The following TSHZ3 variants were observed in gnomAD, a reference collection of about 807,000 sequenced individuals.
TSHZ3 encodes the protein teashirt zinc finger homeobox 3.
A neutral mutation model predicts 64.5 loss-of-function variants in TSHZ3; 10 were observed. The observed-to-expected ratio is 0.16, with a 90% CI of 0.10 to 0.26. The LOEUF (loss-of-function observed/expected upper bound fraction) is 0.26. TSHZ3 is among the 10% of genes least tolerant of loss of function. The pLI is 1.00. For missense variants in TSHZ3, 1,242 were observed against 1,421.7 expected, an observed-to-expected ratio of 0.87 and a Z score of 2.03; for synonymous variants, 608 against 593.1, an observed-to-expected ratio of 1.03 and a Z score of -0.36.
rs372917863 is a variant in TSHZ3 at position 31,311,603 on chromosome 19, G to A, written c.41-31851C>T. ...GAACTTGCCCCTCTGCCCAGCTCAC[G>A]GGCTCCATACTGATCAATGCTCAGG... On this transcript the variant is annotated intron_variant, in intron 1 of 1. Coordinates refer to ENST00000240587, the MANE Select transcript of TSHZ3 (RefSeq NM_020856.4). Among the ~76,000 whole-genome samples, 188 of 152,288 alleles carry A rather than the reference G, an allele frequency of 1.2e-3. 2 individuals carry two copies. In the South Asian group the frequency reaches 0.033, roughly 26 times the overall value.
intron 1 of TSHZ3, among the ~76,000 whole-genome samples, chr19:31,266,105 C>A (rs1976050628): frequency 6.6e-6 from 1 of 152,150 alleles, no homozygotes; most frequent in South Asian, 2.1e-4. Context: ...CTGGGATCCA[C>A]CACAAAGGCC....
intron 1 of TSHZ3, among the ~76,000 whole-genome samples, chr19:31,337,932 T>C (rs891775553): frequency 2.3e-4 from 35 of 152,260 alleles, no homozygotes; most frequent in Admixed American, 1.8e-3. Context: ...TCTTCCGTTC[T>C]AACTTTCTAT....
intron 5 of TSHZ3, among the ~76,000 whole-genome samples, chr19:31,204,029 G>A (rs996958606): frequency 4.6e-5 from 7 of 152,118 alleles, no homozygotes; most frequent in Admixed American, 1.3e-4. Flanking sequence ...CTGCAAGAGA[G>A]CGAAGTGCAA....
chr19:31,281,266 T>C (rs1255913745), intron 1 of TSHZ3, among the ~76,000 whole-genome samples: 1 of 151,874 alleles, frequency 6.6e-6, no homozygotes, highest in African/African-American at 2.4e-5. Context: ...AACAGTGAAA[T>C]GAGTCCCTTG....
chr19:31,304,500 C>CA, intron 1 of TSHZ3, among the ~76,000 whole-genome samples: 1 of 123,716 alleles, frequency 8.1e-6, no homozygotes, highest in African/African-American at 2.8e-5. Flanking sequence ...GGGACCATAA[C>CA]AACAACAACA....
At chr19:31,151,223 T>C (rs922175024) in exon 7 of TSHZ3, among the ~76,000 whole-genome samples, 1 of 152,172 alleles carries the variant, frequency 6.6e-6, no homozygotes, top group Non-Finnish European at 1.5e-5. Flanking sequence ...GCTGATTTGA[T>C]GAAAACCCCA....
chr19:31,150,063 C>T (rs559535144), exon 7 of TSHZ3, among the ~76,000 whole-genome samples: 25 of 152,312 alleles, frequency 1.6e-4, no homozygotes, highest in African/African-American at 5.5e-4. Context: ...TTGAATCATT[C>T]GCCGAGCACG....
intron 4 of TSHZ3, among the ~76,000 whole-genome samples, chr19:31,212,779 T>C (rs1287920041): frequency 3.3e-5 from 5 of 152,192 alleles, no homozygotes; most frequent in African/African-American, 1.2e-4. Flanking sequence ...TTAAAATTTA[T>C]GTCTCACAAA....
chr19:31,202,475 A>T (rs922879028), intron 5 of TSHZ3, among the ~76,000 whole-genome samples: 9 of 152,132 alleles, frequency 5.9e-5, no homozygotes, highest in Non-Finnish European at 1.2e-4. Flanking sequence ...ACCATTTTCT[A>T]TTTAAAAAGA....
chr19:31,194,494 T>C (rs1401907729), intron 5 of TSHZ3, among the ~76,000 whole-genome samples: 2 of 152,132 alleles, frequency 1.3e-5, no homozygotes, highest in Non-Finnish European at 2.9e-5. Flanking sequence ...TAAGTGGCAG[T>C]GGGGTGGGGA....
At chr19:31,348,925 C>T (rs963179386) in intron 1 of TSHZ3, 2 of 462,368 alleles carry the variant, frequency 4.3e-6, no homozygotes, top group Non-Finnish European at 7.6e-6. Context: ...GAGGTAGGGA[C>T]CTGGCGCGGC....
At chr19:31,181,862 G>A (rs977908201) in intron 5 of TSHZ3, among the ~76,000 whole-genome samples, 1 of 151,668 alleles carries the variant, frequency 6.6e-6, no homozygotes. Context: ...CTTTATTCTG[G>A]CTAATTAGCA....
intron 3 of TSHZ3, among the ~76,000 whole-genome samples, chr19:31,241,495 C>A (rs530242646): frequency 6.6e-6 from 1 of 152,196 alleles, no homozygotes; most frequent in African/African-American, 2.4e-5. Context: ...AGTCTCTCTG[C>A]TCTACTTTCA....
At chr19:31,151,860 T>C (rs1974244229) in intron 6 of TSHZ3, among the ~76,000 whole-genome samples, 1 of 152,216 alleles carries the variant, frequency 6.6e-6, no homozygotes, top group South Asian at 2.1e-4. Flanking sequence ...ATTTTTTCAT[T>C]ATTCTTTAGC....
At chr19:31,338,379 C>A (rs557398951) in intron 1 of TSHZ3, among the ~76,000 whole-genome samples, 67 of 152,272 alleles carry the variant, frequency 4.4e-4, no homozygotes, top group African/African-American at 1.6e-3. Context: ...GGGGACAGAG[C>A]TCAGACACAA....
intron 5 of TSHZ3, among the ~76,000 whole-genome samples, chr19:31,173,932 T>C (rs1479823365): frequency 6.6e-6 from 1 of 152,038 alleles, no homozygotes; most frequent in African/African-American, 2.4e-5. Context: ...GAGCTGGGCG[T>C]GGTGGTGTTC....
chr19:31,256,550 T>C (rs1307856655), intron 1 of TSHZ3, among the ~76,000 whole-genome samples: 3 of 152,236 alleles, frequency 2.0e-5, no homozygotes, highest in South Asian at 4.1e-4. Context: ...TCTGATGCTG[T>C]AACACACACA....
chr19:31,251,216 T>C (rs529315526), intron 1 of TSHZ3, among the ~76,000 whole-genome samples: 21 of 152,222 alleles, frequency 1.4e-4, no homozygotes, highest in Admixed American at 9.8e-4. Flanking sequence ...TCTGTGATCC[T>C]TGTCCCAGGG....
intron 1 of TSHZ3, among the ~76,000 whole-genome samples, chr19:31,341,422 C>A (rs764591245): frequency 1.5e-4 from 23 of 151,984 alleles, no homozygotes; most frequent in Non-Finnish European, 2.8e-4. Context: ...AAATACCACA[C>A]AGGTTTCAGT....
Sources: gnomAD v4.1 joint callset for allele counts (sites outside exome capture counted in the v4.1 genomes callset) on GRCh38, gnomAD v4.1.1 for gene constraint, MANE v1.5 for transcripts, NCBI Gene and HGNC (gene_info 2026-07-23, HGNC 2026-07-21) for gene names.